LAMA3: variants seen among roughly 807,000 people sequenced by gnomAD.
LAMA3 encodes laminin subunit alpha 3.
LAMA3 carries 281 observed loss-of-function variants against 402.0 expected under a neutral mutation model. The ratio of observed to expected loss-of-function variants is 0.70; its 90% CI spans 0.63 to 0.77. LAMA3 has a LOEUF of 0.77. Ranked by LOEUF, LAMA3 falls within the 30% of genes least tolerant of loss-of-function variation. The pLI is 0.00. For synonymous variants in LAMA3, 1,431 were observed against 1,558.4 expected (o/e 0.92, Z 1.93); for missense variants, 3,840 against 4,215.5 (o/e 0.91, Z 2.47).
chr18:23,865,150 CT>C (rs948711472), intron 36 of LAMA3, among the ~76,000 whole-genome samples: 10 of 152,200 alleles, frequency 6.6e-5, no homozygotes, highest in African/African-American at 1.9e-4. Context: ...TCATGTTAAA[CT>C]TTTTTTGAAC....
intron 7 of LAMA3, among the ~76,000 whole-genome samples, chr18:23,759,839 C>T (rs965141602): frequency 1.1e-4 from 16 of 152,266 alleles, no homozygotes; most frequent in African/African-American, 3.9e-4. Context: ...TTGTGGCCAT[C>T]TCAGGGAAAT....
At chr18:23,793,832 TC>T (rs2062710397) in intron 12 of LAMA3, among the ~76,000 whole-genome samples, 1 of 152,184 alleles carries the variant, frequency 6.6e-6, no homozygotes, top group South Asian at 2.1e-4. Context: ...GACTGCTCCC[TC>T]CTTCCCTCAC....
chr18:23,768,745 T>C (rs1374550307), intron 8 of LAMA3, among the ~76,000 whole-genome samples: 1 of 152,220 alleles, frequency 6.6e-6, no homozygotes, highest in Non-Finnish European at 1.5e-5. Context: ...CCTTGGTGCC[T>C]ATCAGTGGTG....
At chr18:23,800,990 T>C (rs1292581200) in intron 12 of LAMA3, among the ~76,000 whole-genome samples, 2 of 152,066 alleles carry the variant, frequency 1.3e-5, no homozygotes, top group Non-Finnish European at 2.9e-5. Context: ...GCAGTGAACA[T>C]GGGGGTACAG....
chr18:23,836,618 G>A (rs774392402), intron 24 of LAMA3, among the ~76,000 whole-genome samples: 20 of 152,172 alleles, frequency 1.3e-4, no homozygotes, highest in Non-Finnish European at 2.4e-4. Context: ...TGGCTGTGAG[G>A]CTAGCGGGTG....
intron 12 of LAMA3, among the ~76,000 whole-genome samples, chr18:23,795,004 G>A (rs568188160): frequency 6.6e-6 from 1 of 152,214 alleles, no homozygotes; most frequent in South Asian, 2.1e-4. Context: ...ATTTGGTTAT[G>A]TGGCCATGTA....
intron 25 of LAMA3, 99 bp downstream of exon 25, chr18:23,837,188 A>G (rs2063600731): frequency 1.3e-6 from 1 of 767,538 alleles, no homozygotes; most frequent in Non-Finnish European, 2.3e-6. Flanking sequence ...TATTACTCCT[A>G]TAATCTGTGA....
intron 39 of LAMA3, among the ~76,000 whole-genome samples, chr18:23,876,797 C>G (rs563172258): frequency 6.6e-6 from 1 of 152,024 alleles, no homozygotes; most frequent in African/African-American, 2.4e-5. Flanking sequence ...TGTCAGATGT[C>G]CAGTAACTCA....
intron 62 of LAMA3, among the ~76,000 whole-genome samples, chr18:23,922,616 C>T (rs1044763596): frequency 1.1e-4 from 17 of 151,998 alleles, no homozygotes; most frequent in African/African-American, 4.1e-4. Flanking sequence ...GTATGTAGCC[C>T]CTGAGTTTTA....
At position 23,758,446 on chromosome 18, in the gene LAMA3, G is replaced by A; in HGVS notation, c.998G>A (p.Cys333Tyr). 1 of 1,614,194 alleles carries A rather than the reference G, an allele frequency of 6.2e-7. No individual in the cohort carries two copies. Among genetic ancestry groups the A allele is most frequent in the Non-Finnish European group, 8.5e-7 (1 of 1,180,030 alleles). ...HHTCGETCDR[C>Y]CTGYNQRRWR... ...ACCTGTGGGGAGACGTGTGATCGCTGCTGCACAGGGTACAATCAGAGGCGC... is the reference window on the plus strand; with the variant it reads ...ACCTGTGGGGAGACGTGTGATCGCTACTGCACAGGGTACAATCAGAGGCGC... The change falls in exon 7 of 75, where the codon TGC becomes TAC. Residue 333 changes from cysteine (C) to tyrosine (Y), a missense_variant. Around this residue, in one of 3 missense-constraint regions of LAMA3, gnomAD observed 2,109 missense variants for 2,376.0 expected, o/e 0.89. Transcript: ENST00000313654.
At chr18:23,850,214 T>C (rs191298050) in intron 32 of LAMA3, among the ~76,000 whole-genome samples, 74 of 152,276 alleles carry the variant, frequency 4.9e-4, no homozygotes, top group African/African-American at 1.7e-3. Context: ...AGCTGAAAAA[T>C]TGCAATTCTC....
At chr18:23,939,090 A>C in intron 67 of LAMA3, 133 bp from the exon 68 acceptor site, 3 of 916,672 alleles carry the variant, frequency 3.3e-6, no homozygotes, top group Non-Finnish European at 5.3e-6. Context: ...TCCCATCTCC[A>C]TGGTACCAGG....
intron 12 of LAMA3, among the ~76,000 whole-genome samples, chr18:23,805,224 C>A (rs958919330): frequency 6.6e-6 from 1 of 152,170 alleles, no homozygotes; most frequent in Non-Finnish European, 1.5e-5. Context: ...ATAGCAGCTG[C>A]AATTGGAGTT....
rs1318274876 is a variant in LAMA3 at position 23,824,637 on chromosome 18, A to G, written c.2571+72A>G. 3.3e-6 allele frequency: 5 copies of G among 1,500,236 alleles called. No individual in the cohort carries two copies. The African/African-American group carries it at 4.1e-5, about 12-fold the overall frequency. The allele number at this position is 1,500,236 out of a possible 1,614,324, so 92.9% of individuals were successfully genotyped here. On this transcript the variant is annotated intron_variant, in intron 21 of 74. Coordinates refer to ENST00000313654, the MANE Select transcript of LAMA3 (RefSeq NM_198129.4). The stretch of plus-strand genomic sequence containing the variant: ...CTCAGAAGTGGTTCCATCCAAGACT[A>G]CAATCCACAGCGACCATAAAATATC...
In LAMA3 at chr18:23,842,424, A is replaced by G; in HGVS notation, c.3366A>G (p.Pro1122=). ...AAGTGACCCTGAGAGGACGTGTACC[A>G]CACCTGGGCCGATACGTCTTTGTCA... ...QNQVTLRGRV[P]HLGRYVFVIH... is the part of the protein sequence containing the mutation. The change falls in exon 28 of 75, where the codon CCA becomes CCG. Residue 1122 remains proline, a synonymous_variant. Coordinates refer to ENST00000313654, the MANE Select transcript of LAMA3 (RefSeq NM_198129.4). 1 of 1,613,756 alleles carries G rather than the reference A, an allele frequency of 6.2e-7. No individual in the cohort carries two copies. The highest frequency in any genetic ancestry group is 8.5e-7 in the Non-Finnish European group (1 of 1,179,980).
chr18:23,855,406 G>C (rs894918505), intron 32 of LAMA3, among the ~76,000 whole-genome samples: 16 of 152,306 alleles, frequency 1.1e-4, no homozygotes, highest in African/African-American at 3.8e-4. Flanking sequence ...TTTGGGAGGG[G>C]TCATCTGCTC....
At chr18:23,808,986 A>G (rs1310411616) in intron 12 of LAMA3, among the ~76,000 whole-genome samples, 4 of 152,226 alleles carry the variant, frequency 2.6e-5, no homozygotes, top group African/African-American at 7.2e-5. Context: ...TTTACTGTGT[A>G]CACTACACTG....
chr18:23,825,044 T>C (rs928385019), intron 21 of LAMA3, among the ~76,000 whole-genome samples: 1 of 152,152 alleles, frequency 6.6e-6, no homozygotes, highest in South Asian at 2.1e-4. Flanking sequence ...CAAGCAGATA[T>C]GGATTTCAGT....
chr18:23,824,643 C>T, intron 21 of LAMA3, 78 bp downstream of exon 21: 2 of 1,457,452 alleles, frequency 1.4e-6, no homozygotes, highest in Non-Finnish European at 9.6e-7. Flanking sequence ...GACTACAATC[C>T]ACAGCGACCA....
Sources: allele counts gnomAD v4.1 joint callset (sites outside exome capture counted in the v4.1 genomes callset), GRCh38; gene constraint gnomAD v4.1.1; regional missense constraint gnomAD v4.1.1; transcripts MANE v1.5; gene names NCBI Gene and HGNC (gene_info 2026-07-23, HGNC 2026-07-21).